DOCK10: variants seen among roughly 807,000 people sequenced by gnomAD.
DOCK10 encodes the protein dedicator of cytokinesis 10.
DOCK10 carries 145 observed loss-of-function variants against 280.1 expected under a neutral mutation model. That is an observed-to-expected ratio of 0.52 (90% CI 0.45 to 0.59). The LOEUF (loss-of-function observed/expected upper bound fraction) is 0.59, where lower values mean the gene tolerates loss of function less well. DOCK10 is among the 20% of genes least tolerant of loss of function. The pLI, the probability that DOCK10 is intolerant of heterozygous loss-of-function variation, is 0.00. For missense variants in DOCK10, 2,368 were observed against 2,651.7 expected (o/e 0.89, Z 2.35); for synonymous variants, 915 against 942.2 (o/e 0.97, Z 0.53).
At chr2:225,004,719 A>G (rs1413686033) in intron 1 of DOCK10, among the ~76,000 whole-genome samples, 1 of 152,244 alleles carries the variant, frequency 6.6e-6, no homozygotes, top group African/African-American at 2.4e-5. Context: ...TTTTCCTAAG[A>G]CAGAACCAAG....
intron 1 of DOCK10, among the ~76,000 whole-genome samples, chr2:224,961,462 CTTTCTT>C (rs1200267973): frequency 0.01 from 1,286 of 123,730 alleles, 22 homozygotes; most frequent in Middle Eastern, 0.027. Flanking sequence ...TTCTTTCTTT[CTTTCTT>C]TTTCTTTCTT....
chr2:224,925,061 A>T (rs1251272847), intron 2 of DOCK10, among the ~76,000 whole-genome samples: 5 of 152,190 alleles, frequency 3.3e-5, no homozygotes, highest in Admixed American at 3.3e-4. Flanking sequence ...TCAGTTTTCA[A>T]ATTGAAATTA....
chr2:224,950,486 G>A (rs183854452), intron 1 of DOCK10, among the ~76,000 whole-genome samples: 37 of 152,328 alleles, frequency 2.4e-4, no homozygotes, highest in African/African-American at 7.5e-4. Flanking sequence ...GAGCTGGGAT[G>A]TAAGTCCAGG....
chr2:224,775,132 T>G lies in DOCK10; in HGVS notation c.5803-17A>C. The G allele has an allele frequency of 1.2e-6, 2 of 1,612,114 alleles. No homozygotes were observed. The highest frequency in any genetic ancestry group is 1.7e-6 in the Non-Finnish European group (2 of 1,178,272). ...GGGGTTTACCTGTGTTAACAGATTA[T>G]GGGCAAAGTGAGTGGTGTGCCCTGG... is the stretch of plus-strand genomic sequence containing the variant. On this transcript the variant is annotated splice_polypyrimidine_tract_variant and intron_variant, in intron 51 of 55. Transcript: ENST00000258390.
chr2:224,854,888 C>CAACA (rs1697003160), intron 16 of DOCK10, 75 bp downstream of exon 16: 1 of 1,197,780 alleles, frequency 8.3e-7, no homozygotes, highest in African/African-American at 1.6e-5. Context: ...ACCAACCAAC[C>CAACA]AACCAACCAA....
intron 11 of DOCK10, among the ~76,000 whole-genome samples, chr2:224,870,447 A>G (rs1371655433): frequency 1.3e-5 from 2 of 152,156 alleles, no homozygotes; most frequent in African/African-American, 2.4e-5. Context: ...GCATGATCAG[A>G]TTACTCCTAA....
intron 47 of DOCK10, among the ~76,000 whole-genome samples, chr2:224,790,359 A>G (rs1340347160): frequency 6.6e-6 from 1 of 152,098 alleles, no homozygotes; most frequent in Non-Finnish European, 1.5e-5. Context: ...TGTTTTTCTC[A>G]CCCATAAACA....
Position 224,886,506 on chromosome 2 carries a change from G to C in DOCK10, c.442C>G (p.Pro148Ala). The C allele has an allele frequency of 2.5e-6, 4 of 1,609,228 alleles. No individual in the cohort carries two copies. The highest frequency in any genetic ancestry group is 3.4e-6 in the Non-Finnish European group (4 of 1,179,116). Residue 148 changes from proline to alanine, a missense_variant, in exon 5 of 56, where the codon CCT (proline) becomes GCT (alanine). By Grantham distance (27) the Pro-to-Ala change is conservative. Coordinates refer to ENST00000258390, the MANE Select transcript of DOCK10 (RefSeq NM_014689.3). ...PRAEYKPEKLPSHSFEIDHED... is the reference protein window; with the variant it reads ...PRAEYKPEKLASHSFEIDHED... ...TGGTCAATCTCAAAGGAATGTGAAG[G>C]AAGCTTCTCTGGTTTGTATTCTGCT...
At position 224,798,699 on chromosome 2, in the gene DOCK10, A is replaced by G. The variant is rs907702658; in HGVS notation, c.4507-730T>C. Among the ~76,000 whole-genome samples the G allele has an allele frequency of 1.1e-4, 16 of 150,746 alleles. No individual in the cohort carries two copies. In the Admixed American group the frequency reaches 1.1e-3, roughly 10 times the overall value. On this transcript the variant is annotated intron_variant, in intron 41 of 55. Coordinates refer to ENST00000258390, the MANE Select transcript of DOCK10 (RefSeq NM_014689.3). Reference sequence around the variant, plus strand: ...TAAGCAGGAGTGTCGTGGCACCATCATAGCTCACGGCAGCCTCCACTTCCA... The same window carrying G: ...TAAGCAGGAGTGTCGTGGCACCATCGTAGCTCACGGCAGCCTCCACTTCCA...
rs1177232144 is a variant in DOCK10 at position 224,804,051 on chromosome 2, A to T, written c.4268+61T>A. 5.4e-6 allele frequency: 5 copies of T among 928,004 alleles called. No individual in the cohort carries two copies. In the East Asian group the frequency reaches 7.5e-5, roughly 14 times the overall value. 57.5% of individuals were successfully genotyped at this position (928,004 alleles called of 1,614,324 possible). A position where few individuals can be genotyped will look rare whatever the true frequency, so the allele number is the denominator to read the frequency against. On this transcript the variant is annotated intron_variant, in intron 39 of 55. Coordinates refer to ENST00000258390, the MANE Select transcript of DOCK10 (RefSeq NM_014689.3). The stretch of plus-strand genomic sequence containing the variant: ...GTGTGTGTCTACCCCTGACATGTGC[A>T]TATACAGACACACACACACAGCTAT...
chr2:225,035,575 T>TATG (rs1553634949), intron 1 of DOCK10, among the ~76,000 whole-genome samples: 1 of 89,584 alleles, frequency 1.1e-5, no homozygotes, highest in Non-Finnish European at 2.2e-5. Context: ...TATATATATA[T>TATG]ATATATATAT....
At chr2:224,796,183 C>A in intron 44 of DOCK10, 133 bp downstream of exon 44, 1 of 632,792 alleles carries the variant, frequency 1.6e-6, no homozygotes, top group Non-Finnish European at 2.7e-6. Context: ...CCTGCCTTGG[C>A]TTCTCAAAGT....
chr2:224,766,538 G>A (rs573610443), intron 55 of DOCK10, among the ~76,000 whole-genome samples: 1 of 152,278 alleles, frequency 6.6e-6, no homozygotes, highest in Admixed American at 6.5e-5. Flanking sequence ...TTCTCCTTAT[G>A]ATCAATATCA....
chr2:224,920,436 C>T (rs1328469885), intron 2 of DOCK10, among the ~76,000 whole-genome samples: 1 of 151,990 alleles, frequency 6.6e-6, no homozygotes, highest in Non-Finnish European at 1.5e-5. Context: ...TTATGCTATT[C>T]ACTCTGTTAG....
intron 4 of DOCK10, among the ~76,000 whole-genome samples, chr2:224,895,825 G>A (rs1437088891): frequency 1.1e-5 from 1 of 93,754 alleles, no homozygotes; most frequent in African/African-American, 5.2e-5. Context: ...GTGTGTGTGT[G>A]TGTGTGCGTG....
intron 1 of DOCK10, among the ~76,000 whole-genome samples, chr2:224,943,105 C>G (rs1369601304): frequency 6.6e-6 from 1 of 151,824 alleles, no homozygotes; most frequent in Non-Finnish European, 1.5e-5. Flanking sequence ...AAAAGAAAAC[C>G]ATCAACTGCA....
intron 1 of DOCK10, among the ~76,000 whole-genome samples, chr2:224,968,346 G>GA (rs1341261636): frequency 6.6e-6 from 1 of 152,164 alleles, no homozygotes. Context: ...ATGAATCAAG[G>GA]AAAAAGACAA....
chr2:224,833,946 C>A (rs1345837412), intron 26 of DOCK10, among the ~76,000 whole-genome samples: 1 of 152,174 alleles, frequency 6.6e-6, no homozygotes, highest in East Asian at 1.9e-4. Flanking sequence ...GCCACTGCAC[C>A]TGGCCCACTC....
chr2:224,892,134 C>G (rs888422232), intron 4 of DOCK10, among the ~76,000 whole-genome samples: 1 of 151,916 alleles, frequency 6.6e-6, no homozygotes, highest in Non-Finnish European at 1.5e-5. Context: ...TAGCAGCTCA[C>G]GGCTGTAATC....
Sources: allele counts gnomAD v4.1 joint callset (sites outside exome capture counted in the v4.1 genomes callset), GRCh38; gene constraint gnomAD v4.1.1; transcripts MANE v1.5; gene names NCBI Gene and HGNC (gene_info 2026-07-23, HGNC 2026-07-21).